LOXHD1: variants seen among roughly 807,000 people sequenced by gnomAD.
The protein encoded by LOXHD1 is lipoxygenase homology domain-containing protein 1.
Under a neutral mutation model 248.2 loss-of-function variants are expected in LOXHD1, and 205 were observed. That is an observed-to-expected ratio of 0.83 (90% CI 0.74 to 0.93). The LOEUF is 0.93. Among genes scored for constraint, LOXHD1 ranks in the 40% least tolerant of loss-of-function variants. LOXHD1 has a pLI of 0.00. For missense variants in LOXHD1, 2,930 were observed against 2,971.6 expected, an observed-to-expected ratio of 0.99 and a Z score of 0.33; for synonymous variants, 1,113 against 1,162.8, an observed-to-expected ratio of 0.96 and a Z score of 0.87.
rs1193870088 is a variant in LOXHD1 at position 46,560,564 on chromosome 18, A to G, written c.2599-19T>C. 4.6e-6 allele frequency: 7 copies of G among 1,510,098 alleles called. No homozygotes were observed. Among genetic ancestry groups the G allele is most frequent in the Non-Finnish European group, 6.2e-6 (7 of 1,131,366 alleles). The allele number at this position is 1,510,098 out of a possible 1,614,324, so 93.5% of individuals were successfully genotyped here. ...CCTCAAGCTGTTCAAAGGGCAGGGC[A>G]GCGGCTGTCGTGGCCCCAGCGTCCT... is the stretch of plus-strand genomic sequence containing the variant. On this transcript the variant is annotated intron_variant, in intron 18 of 40. Transcript: ENST00000642948.
intron 40 of LOXHD1, among the ~76,000 whole-genome samples, chr18:46,478,830 C>G (rs776848168): frequency 6.6e-6 from 1 of 152,142 alleles, no homozygotes; most frequent in Admixed American, 6.5e-5. Context: ...GAAGCTGGAA[C>G]TATGAGCATG....
chr18:46,630,358 G>A (rs2038804184), intron 4 of LOXHD1, among the ~76,000 whole-genome samples: 1 of 152,228 alleles, frequency 6.6e-6, no homozygotes, highest in African/African-American at 2.4e-5. Context: ...TTTCGAAGTA[G>A]GAGGGTTTGT....
intron 4 of LOXHD1, among the ~76,000 whole-genome samples, chr18:46,630,775 G>C (rs1030934553): frequency 5.9e-5 from 9 of 152,252 alleles, no homozygotes; most frequent in African/African-American, 2.2e-4. Context: ...GGGTATGGGG[G>C]GGGGTGTGAA....
intron 37 of LOXHD1, among the ~76,000 whole-genome samples, chr18:46,492,312 A>G (rs764392360): frequency 7.9e-5 from 12 of 152,154 alleles, no homozygotes; most frequent in Non-Finnish European, 1.2e-4. Flanking sequence ...AATACCCAAG[A>G]CTGGGTAATT....
chr18:46,622,717 C>A (rs922986585), intron 4 of LOXHD1, among the ~76,000 whole-genome samples: 7 of 152,202 alleles, frequency 4.6e-5, no homozygotes, highest in Admixed American at 1.3e-4. Flanking sequence ...ATGTCCTATG[C>A]CCATTGTGAA....
chr18:46,525,500 C>T (rs1022887815), intron 29 of LOXHD1, among the ~76,000 whole-genome samples: 3 of 152,030 alleles, frequency 2.0e-5, no homozygotes, highest in Admixed American at 2.0e-4. Flanking sequence ...CAGGGACAAA[C>T]ATCTGGGATG....
intron 6 of LOXHD1, among the ~76,000 whole-genome samples, chr18:46,608,050 A>AAGGAAGGAAGGAAGGG (rs2038446199): frequency 6.8e-6 from 1 of 146,684 alleles, no homozygotes; most frequent in Non-Finnish European, 1.5e-5. Context: ...GGAAGGAAGG[A>AAGGAAGGAAGGAAGGG]AGGAAGGAAG....
chr18:46,533,563 T>C (rs1278483268), intron 27 of LOXHD1: 33 of 493,262 alleles, frequency 6.7e-5, no homozygotes, highest in Non-Finnish European at 1.1e-4. Context: ...TAAAAATAGG[T>C]ATCTGAACTC....
intron 1 of LOXHD1, among the ~76,000 whole-genome samples, chr18:46,655,591 G>A (rs965792038): frequency 5.3e-5 from 8 of 152,152 alleles, no homozygotes; most frequent in African/African-American, 1.7e-4. Flanking sequence ...GAAGGTGGCG[G>A]ATGCTTCCTT....
chr18:46,637,046 T>C (rs2038901553), intron 4 of LOXHD1, among the ~76,000 whole-genome samples: 1 of 152,152 alleles, frequency 6.6e-6, no homozygotes, highest in Admixed American at 6.5e-5. Context: ...CTCAGGAGGC[T>C]GAGGCAAGAG....
intron 4 of LOXHD1, among the ~76,000 whole-genome samples, chr18:46,625,119 C>T (rs1244660176): frequency 6.6e-6 from 1 of 152,168 alleles, no homozygotes; most frequent in East Asian, 1.9e-4. Context: ...GGACTCAGGG[C>T]ATCTGAACAA....
chr18:46,492,348 T>C (rs566288370), intron 37 of LOXHD1, among the ~76,000 whole-genome samples: 1 of 152,308 alleles, frequency 6.6e-6, no homozygotes, highest in South Asian at 2.1e-4. Flanking sequence ...TTTAATTGAC[T>C]CACAGTTCTG....
intron 34 of LOXHD1, among the ~76,000 whole-genome samples, 195 bp downstream of exon 34, chr18:46,517,934 T>C (rs2144080754): frequency 6.6e-6 from 1 of 152,316 alleles, no homozygotes; most frequent in African/African-American, 2.4e-5. Flanking sequence ...GATCAAGGAA[T>C]ACTTCCTGGG....
rs1216095373 is a variant in LOXHD1, at chr18:46,525,038, T to C, written c.4531-121A>G. 9.6e-6 allele frequency: 11 copies of C among 1,151,730 alleles called. No individual in the cohort carries two copies. The African/African-American group carries it at 1.4e-4, about 14-fold the overall frequency. 71.3% of individuals were successfully genotyped at this position (1,151,730 alleles called of 1,614,324 possible). A position where few individuals can be genotyped will look rare whatever the true frequency, so the allele number is the denominator to read the frequency against. ...GCTGCACTGAACAGACCTTCTTTGC[T>C]GGGGAGCCCTCCAGGCCCAAATCCC... is the stretch of plus-strand genomic sequence containing the variant. On this transcript the variant is annotated intron_variant, in intron 29 of 40. Transcript: ENST00000642948.
intron 37 of LOXHD1, among the ~76,000 whole-genome samples, chr18:46,499,480 G>A (rs1241132876): frequency 6.6e-6 from 1 of 152,136 alleles, no homozygotes; most frequent in African/African-American, 2.4e-5. Context: ...GAATAACAAA[G>A]CAAACCTTTT....
chr18:46,548,635 C>T (rs2036952295), intron 21 of LOXHD1, among the ~76,000 whole-genome samples: 1 of 151,974 alleles, frequency 6.6e-6, no homozygotes, highest in Non-Finnish European at 1.5e-5. Context: ...GAATAATAGG[C>T]TATAGTTATA....
chr18:46,603,837 A>G (rs1419992146), intron 7 of LOXHD1, among the ~76,000 whole-genome samples: 1 of 152,262 alleles, frequency 6.6e-6, no homozygotes, highest in South Asian at 2.1e-4. Context: ...GCTTGTCAGA[A>G]GTTCACATTC....
At chr18:46,646,642 C>T (rs540876999) in intron 2 of LOXHD1, among the ~76,000 whole-genome samples, 2 of 152,174 alleles carry the variant, frequency 1.3e-5, no homozygotes, top group Non-Finnish European at 1.5e-5. Flanking sequence ...GCCCCACATT[C>T]CCAGCTACAG....
chr18:46,582,938 G>C (rs760331456), intron 12 of LOXHD1, among the ~76,000 whole-genome samples: 31 of 152,240 alleles, frequency 2.0e-4, no homozygotes, highest in Non-Finnish European at 3.5e-4. Flanking sequence ...GTTAAGGAAG[G>C]CTTTCTTATC....
Sources: gnomAD v4.1 joint callset for allele counts (sites outside exome capture counted in the v4.1 genomes callset) on GRCh38, gnomAD v4.1.1 for gene constraint, MANE v1.5 for transcripts, NCBI Gene and HGNC (gene_info 2026-07-23, HGNC 2026-07-21) for gene names.